VPS33B: variants seen among roughly 807,000 people sequenced by gnomAD.
VPS33B encodes the protein VPS33B late endosome and lysosome associated.
VPS33B carries 80 observed loss-of-function variants against 95.3 expected under a neutral mutation model. That is an observed-to-expected ratio of 0.84 (90% CI 0.70 to 1.01). The LOEUF (loss-of-function observed/expected upper bound fraction) is 1.01, where lower values mean the gene tolerates loss of function less well. VPS33B is among the 50% of genes least tolerant of loss of function. The pLI is 0.00. For missense variants in VPS33B, 715 were observed against 773.4 expected (o/e 0.92, Z 0.90); for synonymous variants, 280 against 280.4 (o/e 1.00, Z 0.01).
At chr15:91,001,642 C>T (rs2040441851) in intron 18 of VPS33B, among the ~76,000 whole-genome samples, 180 bp from the exon 19 acceptor site, 1 of 152,204 alleles carries the variant, frequency 6.6e-6, no homozygotes, top group Non-Finnish European at 1.5e-5. Flanking sequence ...CACCCACAGT[C>T]TTCCCCCTCC....
intron 3 of VPS33B, 99 bp downstream of exon 3, chr15:91,016,864 G>T: frequency 8.7e-7 from 1 of 1,155,408 alleles, no homozygotes; most frequent in South Asian, 1.2e-5. Context: ...AGTTCAGGGA[G>T]GTGAACCATA....
In VPS33B at chr15:91,022,460, G is replaced by C. The variant is rs2041133765; in HGVS notation, c.-211C>G. ...ACTACCTCGGAGCAGCCTTGTCTCA[G>C]ACCTGCAGCCACCGTGTCTCGACCC... On this transcript the variant is annotated 5_prime_UTR_variant, in exon 1 of 23. Transcript: ENST00000333371. 2.0e-6 allele frequency: 1 copy of C among 505,384 alleles called. No individual in the cohort carries two copies. 31.3% of individuals were successfully genotyped at this position (505,384 alleles called of 1,614,324 possible).
At chr15:91,016,202 T>C (rs1289041262) in intron 3 of VPS33B, among the ~76,000 whole-genome samples, 1 of 151,544 alleles carries the variant, frequency 6.6e-6, no homozygotes, top group Non-Finnish European at 1.5e-5. Context: ...ATGAAAAGGG[T>C]GAAGGCACAG....
intron 16 of VPS33B, 33 bp from the exon 17 acceptor site, chr15:91,003,164 G>C (rs1478708247): frequency 6.2e-7 from 1 of 1,612,734 alleles, no homozygotes; most frequent in Non-Finnish European, 8.5e-7. Context: ...AGGTGCATGA[G>C]AAAGAGGCCG....
At chr15:91,001,944 G>T in intron 18 of VPS33B, 106 bp downstream of exon 18, 1 of 1,571,378 alleles carries the variant, frequency 6.4e-7, no homozygotes, top group Non-Finnish European at 8.7e-7. Flanking sequence ...TAATAGGAAG[G>T]AATCAGTCCA....
rs931243743 is a variant in VPS33B, at chr15:91,009,148, G to A, written c.403+653C>T. ...GGGAGGCCCAGTTTTTCCTGTGGGA[G>A]CCTTGGAAGGTGAGAAAAGAGTGGC... is the stretch of plus-strand genomic sequence containing the variant. On this transcript the variant is annotated intron_variant, in intron 6 of 22. Transcript: ENST00000333371. The surrounding 1 kb of genome is among the most constrained non-coding windows in gnomAD (Gnocchi z 4.1). Among the ~76,000 whole-genome samples the A allele has an allele frequency of 3.3e-5, 5 of 152,166 alleles. No homozygotes were observed. The highest frequency in any genetic ancestry group is 7.4e-5 in the Non-Finnish European group (5 of 68,024).
rs1475652613 is a variant in VPS33B, at chr15:91,005,728, C to G, written c.996G>C (p.Lys332Asn). ...GCAGGCGGTGCTCCTGTTTCAGGCC[C>G]TTGAGCTCCTGGGACACGAAATTCT... ...QMKNFVSQELKGLKQEHRLLS... is the reference protein window; with the variant it reads ...QMKNFVSQELNGLKQEHRLLS... Residue 332 changes from lysine to asparagine, a missense_variant, in exon 13 of 23, where the codon AAG becomes AAC. Transcript: ENST00000333371. The surrounding 1 kb of genome is among the most constrained non-coding windows in gnomAD (Gnocchi z 6.4). The G allele has an allele frequency of 6.2e-7, 1 of 1,614,184 alleles. No homozygotes were observed. The highest frequency in any genetic ancestry group is 1.1e-5 in the South Asian group (1 of 91,084).
Position 90,999,060 on chromosome 15 carries a change from G to A in VPS33B, c.1775-6C>T, listed in dbSNP as rs764707906. ...CAGGAAAATGAACCTGTAGCCTAAG[G>A]AGTCAAATGCAGCAGCAGAAGAGAC... On this transcript the variant is annotated splice_region_variant and splice_polypyrimidine_tract_variant and intron_variant, in intron 22 of 22. Transcript: ENST00000333371. The surrounding 1 kb of genome is among the most constrained non-coding windows in gnomAD (Gnocchi z 5.1). The A allele has an allele frequency of 2.5e-6, 4 of 1,614,016 alleles. No homozygotes were observed. The highest frequency in any genetic ancestry group is 3.4e-6 in the Non-Finnish European group (4 of 1,179,974).
chr15:91,017,856 C>G lies in VPS33B; in HGVS notation c.126G>C (p.Glu42Asp). The G allele has an allele frequency of 6.2e-7, 1 of 1,614,106 alleles. No individual in the cohort carries two copies. Among genetic ancestry groups the G allele is most frequent in the Non-Finnish European group, 8.5e-7 (1 of 1,180,000 alleles). ...GATCCAAAGGGCTCATGAGATCTGCCTCAATGAATAAATCCTTTTTTCCAG... is the reference window on the plus strand; with the variant it reads ...GATCCAAAGGGCTCATGAGATCTGCGTCAATGAATAAATCCTTTTTTCCAG... ...QLPGKKDLFI[E>D]ADLMSPLDRI... The change falls in exon 2 of 23, where the codon GAG becomes GAC. Residue 42 changes from glutamate (E) to aspartate (D), a missense_variant. Coordinates refer to ENST00000333371, the MANE Select transcript of VPS33B (RefSeq NM_018668.5).
At chr15:91,016,533 G>A (rs1476846713) in intron 3 of VPS33B, among the ~76,000 whole-genome samples, 4 of 151,880 alleles carry the variant, frequency 2.6e-5, no homozygotes, top group East Asian at 1.9e-4. Context: ...ACAGGCACAC[G>A]CCACCACACC....
intron 1 of VPS33B, among the ~76,000 whole-genome samples, chr15:91,020,141 G>T (rs2041061961): frequency 6.6e-6 from 1 of 152,074 alleles, no homozygotes; most frequent in South Asian, 2.1e-4. Flanking sequence ...AATTAACAGT[G>T]TTAGTAGTGT....
intron 1 of VPS33B, 116 bp downstream of exon 1, chr15:91,022,038 C>G: frequency 8.4e-7 from 1 of 1,193,436 alleles, no homozygotes; most frequent in Non-Finnish European, 1.2e-6. Context: ...GCTGGGGAAG[C>G]GCCAAGGACA....
chr15:91,007,756 C>CACTTGTGATAAATT lies in VPS33B; in HGVS notation c.498+100_498+113dup. 8.4e-7 allele frequency: 1 copy of CACTTGTGATAAATT among 1,194,744 alleles called. No individual in the cohort carries two copies. 74.0% of individuals were successfully genotyped at this position (1,194,744 alleles called of 1,614,324 possible). A position where few individuals can be genotyped will look rare whatever the true frequency, so the allele number is the denominator to read the frequency against. On this transcript the variant is annotated intron_variant, in intron 7 of 22. Transcript: ENST00000333371. This position sits in a 1 kb window ranked among gnomAD's most constrained non-coding sequence, Gnocchi z 5.3. ...TAGCACTCAATCACCACATCACTAT[C>CACTTGTGATAAATT]ACTTGTGATAAATTACTTGCGTTGG... is the stretch of plus-strand genomic sequence containing the variant.
chr15:91,009,713 G>T lies in VPS33B; in HGVS notation c.403+88C>A. Reference sequence around the variant, plus strand: ...CCAGGAAAAGAAGGAGCTGGTGGTGGGGGTGGGGTGGGGGGGTTGGAGAAC... The same window carrying T: ...CCAGGAAAAGAAGGAGCTGGTGGTGTGGGTGGGGTGGGGGGGTTGGAGAAC... On this transcript the variant is annotated intron_variant, in intron 6 of 22. Coordinates refer to ENST00000333371, the MANE Select transcript of VPS33B (RefSeq NM_018668.5). This position sits in a 1 kb window ranked among gnomAD's most constrained non-coding sequence, Gnocchi z 4.1. 1 of 1,376,642 alleles carries T rather than the reference G, an allele frequency of 7.3e-7. No homozygotes were observed. Among genetic ancestry groups the T allele is most frequent in the Non-Finnish European group, 1.0e-6 (1 of 989,598 alleles). 85.3% of individuals were successfully genotyped at this position (1,376,642 alleles called of 1,614,324 possible). A position where few individuals can be genotyped will look rare whatever the true frequency, so the allele number is the denominator to read the frequency against.
rs1184158511 is a variant in VPS33B, at chr15:91,015,274, T to C, written c.240-841A>G. Among the ~76,000 whole-genome samples the C allele has an allele frequency of 1.3e-5, 2 of 151,764 alleles. No homozygotes were observed. Among genetic ancestry groups the C allele is most frequent in the African/African-American group, 4.9e-5 (2 of 41,224 alleles). On this transcript the variant is annotated intron_variant, in intron 3 of 22. Coordinates refer to ENST00000333371, the MANE Select transcript of VPS33B (RefSeq NM_018668.5). This position sits in a 1 kb window ranked among gnomAD's most constrained non-coding sequence, Gnocchi z 4.7. ...TCGCTTGAACCCAGGAGGTGGAGGT[T>C]ACAGTGAGCCCAGATCGCGCCATTG... is the stretch of plus-strand genomic sequence containing the variant.
chr15:91,006,129 A>G lies in VPS33B; in HGVS notation c.853-70T>C. ...TAACTTAGCAGTAGAATGACAGTAC[A>G]GGAAGGGTACTCAGGTGTTCTGGCA... On this transcript the variant is annotated intron_variant, in intron 11 of 22. Transcript: ENST00000333371. This position sits in a 1 kb window ranked among gnomAD's most constrained non-coding sequence, Gnocchi z 5.4. 1.3e-6 allele frequency: 2 copies of G among 1,544,484 alleles called. No individual in the cohort carries two copies. The highest frequency in any genetic ancestry group is 3.5e-5 in the Admixed American group (2 of 57,502).
At chr15:91,004,174 G>A (rs2040526242) in intron 16 of VPS33B, among the ~76,000 whole-genome samples, 1 of 150,982 alleles carries the variant, frequency 6.6e-6, no homozygotes, top group Non-Finnish European at 1.5e-5. Context: ...AGTGAGCCGA[G>A]ATCGTGCCAT....
chr15:91,006,103 A>G lies in VPS33B; in HGVS notation c.853-44T>C. 6.2e-6 allele frequency: 10 copies of G among 1,601,182 alleles called. No individual in the cohort carries two copies. Among genetic ancestry groups the G allele is most frequent in the Non-Finnish European group, 6.0e-6 (7 of 1,169,458 alleles). Reference sequence around the variant, plus strand: ...AAGAACAGCTTACTCTGTCAGAACCATAACTTAGCAGTAGAATGACAGTAC... The same window carrying G: ...AAGAACAGCTTACTCTGTCAGAACCGTAACTTAGCAGTAGAATGACAGTAC... On this transcript the variant is annotated intron_variant, in intron 11 of 22. Coordinates refer to ENST00000333371, the MANE Select transcript of VPS33B (RefSeq NM_018668.5). This position sits in a 1 kb window ranked among gnomAD's most constrained non-coding sequence, Gnocchi z 5.4.
chr15:91,014,158 G>A (rs894166062), intron 4 of VPS33B, among the ~76,000 whole-genome samples: 6 of 149,192 alleles, frequency 4.0e-5, no homozygotes, highest in African/African-American at 1.5e-4. Flanking sequence ...GGCGGAGGTT[G>A]CAGTGAGCCG....
Sources: allele counts gnomAD v4.1 joint callset (sites outside exome capture counted in the v4.1 genomes callset), GRCh38; gene constraint gnomAD v4.1.1; non-coding constraint Gnocchi (gnomAD v3.1); transcripts MANE v1.5; gene names NCBI Gene and HGNC (gene_info 2026-07-23, HGNC 2026-07-21).